The following FREM1 variants were observed in gnomAD, a reference collection of about 807,000 sequenced individuals.
FREM1 encodes FRAS1 related extracellular matrix 1.
In FREM1, 220 loss-of-function variants were observed where a neutral mutation model predicts 210.1. The observed-to-expected ratio is 1.05, with a 90% CI of 0.94 to 1.17. The LOEUF (loss-of-function observed/expected upper bound fraction) is 1.17. Among genes scored for constraint, FREM1 ranks in the 50% most tolerant of loss-of-function variants. The probability of loss-of-function intolerance (pLI) is 0.00; values close to 1 mark genes in which losing one functional copy is unlikely to be tolerated. For missense variants in FREM1, 3,454 were observed against 2,675.5 expected, an observed-to-expected ratio of 1.29 and a Z score of -6.42; for synonymous variants, 1,189 against 980.2, an observed-to-expected ratio of 1.21 and a Z score of -3.98.
At chr9:14,844,287 G>A (rs1195898915) in intron 8 of FREM1, among the ~76,000 whole-genome samples, 9 of 149,870 alleles carry the variant, frequency 6.0e-5, no homozygotes, top group Admixed American at 1.3e-4. Flanking sequence ...GTGCAGTGGC[G>A]TGATCTCAGC....
intron 1 of FREM1, among the ~76,000 whole-genome samples, chr9:14,873,560 T>TTTA (rs1833125044): frequency 9.5e-6 from 1 of 105,644 alleles, no homozygotes; most frequent in African/African-American, 5.5e-5. Context: ...TCTTCTCTCT[T>TTTA]TTCTTCATTA....
At chr9:14,744,861 A>G (rs1908300) in intron 35 of FREM1, among the ~76,000 whole-genome samples, 70,310 of 152,000 alleles carry the variant, frequency 0.46, 16,415 homozygotes, top group African/African-American at 0.49. Flanking sequence ...ACTTCTACCA[A>G]CAACACATGA....
intron 29 of FREM1, 49 bp from the exon 30 acceptor site, chr9:14,750,325 C>G: frequency 6.9e-7 from 1 of 1,449,456 alleles, no homozygotes. Context: ...ATTTCAATCA[C>G]CTAGGTGTCA....
At chr9:14,817,460 T>C (rs1466494316) in intron 14 of FREM1, among the ~76,000 whole-genome samples, 1 of 152,176 alleles carries the variant, frequency 6.6e-6, no homozygotes, top group African/African-American at 2.4e-5. Flanking sequence ...ATACCTTTCC[T>C]TTGTCTAGCC....
chr9:14,881,190 C>G (rs1326180765), intron 1 of FREM1, among the ~76,000 whole-genome samples: 1 of 152,220 alleles, frequency 6.6e-6, no homozygotes, highest in Non-Finnish European at 1.5e-5. Flanking sequence ...CTTTGAAACC[C>G]CACGGATATC....
chr9:14,804,608 A>G (rs1354147350), intron 19 of FREM1, among the ~76,000 whole-genome samples: 1 of 151,926 alleles, frequency 6.6e-6, no homozygotes, highest in Non-Finnish European at 1.5e-5. Flanking sequence ...CAAAAAAACC[A>G]TGACTACTTC....
At chr9:14,817,557 C>T (rs1053656907) in intron 14 of FREM1, among the ~76,000 whole-genome samples, 2 of 152,108 alleles carry the variant, frequency 1.3e-5, no homozygotes, top group African/African-American at 4.8e-5. Flanking sequence ...CAGCCCATTG[C>T]AGTGATGCTT....
chr9:14,875,646 T>G (rs1278112725), intron 1 of FREM1, among the ~76,000 whole-genome samples: 1 of 152,230 alleles, frequency 6.6e-6, no homozygotes, highest in Non-Finnish European at 1.5e-5. Flanking sequence ...CTAAGTAGTT[T>G]GATCGTCTGA....
intron 24 of FREM1, 162 bp downstream of exon 24, chr9:14,784,208 T>C (rs1850055026): frequency 1.6e-6 from 1 of 616,990 alleles, no homozygotes; most frequent in Non-Finnish European, 2.5e-6. Flanking sequence ...TTTCCTTTTT[T>C]TAAAAAACAA....
intron 21 of FREM1, among the ~76,000 whole-genome samples, chr9:14,794,995 C>G (rs1225491108): frequency 5.3e-5 from 3 of 56,876 alleles, no homozygotes; most frequent in African/African-American, 3.0e-4. Flanking sequence ...GAGACTTTCT[C>G]TCAAAAAAAA....
At chr9:14,751,883 C>T (rs1433652268) in intron 29 of FREM1, 1 of 151,670 alleles carries the variant, frequency 6.6e-6, no homozygotes, top group Non-Finnish European at 1.5e-5. Context: ...ATTAGGTGTA[C>T]TTGGAATAAA....
rs187325866 is a variant in FREM1 at position 14,740,231 on chromosome 9, G to A, written c.6258C>T (p.Tyr2086=). The A allele has an allele frequency of 1.6e-3, 2,581 of 1,610,470 alleles. 1 individual carries two copies. The highest frequency in any genetic ancestry group is 2.0e-3 in the Non-Finnish European group (2,398 of 1,177,224). Residue 2086 remains tyrosine, a synonymous_variant, in exon 36 of 37, where the codon TAC becomes TAT. Transcript: ENST00000380880. ...AGAATACAGTTACAAGGTTGCCCAG[G>A]TATCTAAATGCAAATGAAAATGAGA... is the stretch of plus-strand genomic sequence containing the variant. The part of the protein sequence containing the change: ...NAAAQACREQ[Y]LGNLVTVFSR...
chr9:14,771,670 C>T (rs993614138), intron 25 of FREM1, among the ~76,000 whole-genome samples: 7 of 152,130 alleles, frequency 4.6e-5, no homozygotes, highest in African/African-American at 1.7e-4. Flanking sequence ...CCTAATCTCT[C>T]GGTTCTTAAT....
Position 14,851,453 on chromosome 9 carries a change from G to A in FREM1, c.983C>T (p.Pro328Leu), listed in dbSNP as rs768673188. 2 of 1,613,990 alleles carry A rather than the reference G, an allele frequency of 1.2e-6. No homozygotes were observed. The highest frequency in any genetic ancestry group is 2.2e-5 in the East Asian group (1 of 44,870). Residue 328 changes from proline (P) to leucine (L), a missense_variant, in exon 6 of 37, where the codon CCT (proline) becomes CTT (leucine). Physicochemically the swap from Pro to Leu is moderately conservative, Grantham distance 98. Coordinates refer to ENST00000380880, the MANE Select transcript of FREM1 (RefSeq NM_001379081.2). ...SVLDCEEDET[P>L]KPLLVFNITK... is the part of the protein sequence containing the mutation. ...AATGTTGAACACCAGCAAGGGTTTA[G>A]GGGTCTCATCTTCTTCACAGTCCAG...
At chr9:14,766,376 G>A (rs1190040721) in intron 27 of FREM1, among the ~76,000 whole-genome samples, 3 of 152,096 alleles carry the variant, frequency 2.0e-5, no homozygotes, top group Non-Finnish European at 4.4e-5. Context: ...CTGTGTGTGG[G>A]GTGGCAGGTA....
chr9:14,900,205 A>C (rs1013139146), intron 1 of FREM1, among the ~76,000 whole-genome samples: 1 of 152,182 alleles, frequency 6.6e-6, no homozygotes, highest in Admixed American at 6.5e-5. Flanking sequence ...CTTCAGCTTC[A>C]TATTACCATC....
At chr9:14,848,604 C>T in intron 7 of FREM1, 61 bp downstream of exon 7, 1 of 927,022 alleles carries the variant, frequency 1.1e-6, no homozygotes, top group Non-Finnish European at 1.7e-6. Flanking sequence ...TTTCCTGACC[C>T]ATCTACTTTC....
intron 21 of FREM1, among the ~76,000 whole-genome samples, chr9:14,796,270 G>C (rs898673357): frequency 6.6e-6 from 1 of 152,148 alleles, no homozygotes; most frequent in Admixed American, 6.5e-5. Context: ...TAAAAACCCA[G>C]ACTATCTACA....
chr9:14,858,496 A>G (rs1588411027), intron 4 of FREM1, among the ~76,000 whole-genome samples: 1 of 142,896 alleles, frequency 7.0e-6, no homozygotes, highest in Non-Finnish European at 1.5e-5. Context: ...CACCATGCCC[A>G]GCCACCCACT....
Sources: gnomAD v4.1 joint callset for allele counts (sites outside exome capture counted in the v4.1 genomes callset) on GRCh38, gnomAD v4.1.1 for gene constraint, MANE v1.5 for transcripts, NCBI Gene and HGNC (gene_info 2026-07-23, HGNC 2026-07-21) for gene names.